Variants in CHST11 observed in about 807,000 individuals in gnomAD.
CHST11 encodes the protein C4S-1.
A neutral mutation model predicts 30.4 loss-of-function variants in CHST11; 9 were observed. That is an observed-to-expected ratio of 0.30 (90% CI 0.18 to 0.52). The LOEUF is 0.52. Among genes scored for constraint, CHST11 ranks in the 20% least tolerant of loss-of-function variants. CHST11 has a pLI of 0.97. For synonymous variants in CHST11, 152 were observed against 187.8 expected (o/e 0.81, Z 1.56); for missense variants, 348 against 460.6 (o/e 0.76, Z 2.24).
chr12:104,558,625 A>G (rs1314621366), intron 1 of CHST11, among the ~76,000 whole-genome samples: 4 of 127,250 alleles, frequency 3.1e-5, no homozygotes, highest in Non-Finnish European at 6.2e-5. Flanking sequence ...TGCAACCTCC[A>G]CCTCCTGGGT....
intron 2 of CHST11, among the ~76,000 whole-genome samples, chr12:104,642,545 C>T (rs933006159): frequency 3.9e-5 from 6 of 152,066 alleles, no homozygotes; most frequent in Admixed American, 6.6e-5. Context: ...GGACTACAGG[C>T]GTGTGCCACC....
chr12:104,678,979 G>A (rs71468225), intron 2 of CHST11, among the ~76,000 whole-genome samples: 7,566 of 152,066 alleles, frequency 0.05, 249 homozygotes, highest in Non-Finnish European at 0.071. Flanking sequence ...CAGTCTCGCC[G>A]CTATTTTTAT....
intron 2 of CHST11, among the ~76,000 whole-genome samples, chr12:104,689,294 T>G (rs1286558127): frequency 1.3e-5 from 2 of 152,234 alleles, no homozygotes; most frequent in African/African-American, 4.8e-5. Context: ...CCTCCTCAGG[T>G]GGACATGCTT....
intron 1 of CHST11, among the ~76,000 whole-genome samples, chr12:104,471,940 T>C (rs1363899640): frequency 6.6e-6 from 1 of 152,044 alleles, no homozygotes; most frequent in Admixed American, 6.6e-5. Flanking sequence ...AGGGCTTTTT[T>C]TGGTCTCCCC....
At chr12:104,736,505 G>A (rs576751244) in intron 2 of CHST11, among the ~76,000 whole-genome samples, 14 of 152,312 alleles carry the variant, frequency 9.2e-5, no homozygotes, top group East Asian at 3.9e-4. Context: ...TTAGAAGTTC[G>A]TATAACTTTC....
intron 1 of CHST11, among the ~76,000 whole-genome samples, chr12:104,537,708 T>G (rs986495512): frequency 8.9e-6 from 1 of 112,970 alleles, no homozygotes; most frequent in African/African-American, 3.1e-5. Flanking sequence ...TTTTTTTTTT[T>G]TTTTGGAGAC....
At chr12:104,610,844 T>C (rs2039053512) in intron 2 of CHST11, among the ~76,000 whole-genome samples, 1 of 152,192 alleles carries the variant, frequency 6.6e-6, no homozygotes, top group Admixed American at 6.5e-5. Flanking sequence ...CTGAGGCACA[T>C]GGCTGAACCT....
intron 1 of CHST11, chr12:104,553,564 T>G: frequency 1.0e-5 from 1 of 99,672 alleles, no homozygotes; most frequent in East Asian, 3.6e-4. Context: ...TCACATGGTG[T>G]CAGCGAGAGA....
chr12:104,665,788 C>A, intron 2 of CHST11, among the ~76,000 whole-genome samples: 2 of 142,164 alleles, frequency 1.4e-5, no homozygotes, highest in East Asian at 2.1e-4. Context: ...TTTTCTTTCC[C>A]TTTCTCTTTC....
intron 2 of CHST11, among the ~76,000 whole-genome samples, chr12:104,643,743 G>C (rs1466247851): frequency 1.3e-5 from 2 of 151,988 alleles, no homozygotes; most frequent in Admixed American, 6.6e-5. Flanking sequence ...GCTTATTCTA[G>C]ATCAGGGATG....
intron 2 of CHST11, among the ~76,000 whole-genome samples, chr12:104,649,723 A>G (rs1016366334): frequency 1.3e-5 from 2 of 152,214 alleles, no homozygotes; most frequent in African/African-American, 2.4e-5. Flanking sequence ...GAGTCAGAGT[A>G]TAGTGTGTTT....
At position 104,761,346 on chromosome 12, in the gene CHST11, C is replaced by G. The variant is rs1280681962; in HGVS notation, c.*3543C>G. On this transcript the variant is annotated 3_prime_UTR_variant, in exon 3 of 3. Transcript: ENST00000303694. ...GATTAATCCAGGCTACTAGAAAGCT[C>G]CAGAGCAAAGTGTGCGGGTCCCACA... 2 of 152,220 alleles carry G rather than the reference C, an allele frequency of 1.3e-5. No individual in the cohort carries two copies. The highest frequency in any genetic ancestry group is 2.4e-5 in the African/African-American group (1 of 41,416). 9.4% of individuals were successfully genotyped at this position (152,220 alleles called of 1,614,324 possible). A position where few individuals can be genotyped will look rare whatever the true frequency, so the allele number is the denominator to read the frequency against.
chr12:104,669,397 A>G (rs1207068337), intron 2 of CHST11, among the ~76,000 whole-genome samples: 1 of 150,926 alleles, frequency 6.6e-6, no homozygotes, highest in Admixed American at 6.6e-5. Flanking sequence ...TTCCCCCTGC[A>G]GCTCTCAGAA....
chr12:104,604,774 A>G (rs1355572328), intron 2 of CHST11, among the ~76,000 whole-genome samples: 1 of 152,156 alleles, frequency 6.6e-6, no homozygotes, highest in East Asian at 1.9e-4. Flanking sequence ...CTGACTGCTT[A>G]TTTGGGCTTG....
At chr12:104,594,995 A>G (rs1313106698) in intron 1 of CHST11, among the ~76,000 whole-genome samples, 2 of 152,136 alleles carry the variant, frequency 1.3e-5, no homozygotes, top group African/African-American at 4.8e-5. Context: ...GAGTGTTGGC[A>G]GTGCTGAACT....
At chr12:104,657,174 A>T (rs1203887835) in intron 2 of CHST11, among the ~76,000 whole-genome samples, 1 of 152,216 alleles carries the variant, frequency 6.6e-6, no homozygotes, top group African/African-American at 2.4e-5. Context: ...GTCAAGGGGA[A>T]TCATATTTCC....
At chr12:104,746,434 C>T (rs1464168366) in intron 2 of CHST11, among the ~76,000 whole-genome samples, 1 of 152,194 alleles carries the variant, frequency 6.6e-6, no homozygotes, top group East Asian at 1.9e-4. Flanking sequence ...AAATGGAGCT[C>T]AGAACTATCA....
At chr12:104,489,915 A>G (rs2135967015) in intron 1 of CHST11, among the ~76,000 whole-genome samples, 1 of 152,314 alleles carries the variant, frequency 6.6e-6, no homozygotes, top group South Asian at 2.1e-4. Context: ...TCTCAACATC[A>G]TGGGACTAGT....
At chr12:104,536,754 A>T (rs981027446) in intron 1 of CHST11, among the ~76,000 whole-genome samples, 1 of 152,230 alleles carries the variant, frequency 6.6e-6, no homozygotes, top group African/African-American at 2.4e-5. Context: ...GATGGTGGTT[A>T]TTACTGTGAT....
Sources: allele counts gnomAD v4.1 joint callset (sites outside exome capture counted in the v4.1 genomes callset), GRCh38; gene constraint gnomAD v4.1.1; transcripts MANE v1.5; gene names NCBI Gene and HGNC (gene_info 2026-07-23, HGNC 2026-07-21).